DPH5: variants seen among roughly 807,000 people sequenced by gnomAD.
DPH5 encodes the protein diphthamide biosynthesis 5.
In DPH5, 31 loss-of-function variants were observed where a neutral mutation model predicts 31.6. The observed-to-expected ratio is 0.98, with a 90% CI of 0.74 to 1.32. The LOEUF (loss-of-function observed/expected upper bound fraction) is 1.32. DPH5 is among the 40% of genes most tolerant of loss of function. DPH5 has a pLI of 0.00. For missense variants in DPH5, 309 were observed against 335.7 expected (o/e 0.92, Z 0.62); for synonymous variants, 120 against 115.0 (o/e 1.04, Z -0.28).
chr1:101,020,894 T>A (rs1216479255), intron 3 of DPH5, among the ~76,000 whole-genome samples: 1 of 152,220 alleles, frequency 6.6e-6, no homozygotes, highest in Admixed American at 6.5e-5. Flanking sequence ...GACCTTTTAA[T>A]GCTAATCAGA....
At chr1:101,008,132 C>T (rs1012402446) in intron 4 of DPH5, among the ~76,000 whole-genome samples, 7 of 152,142 alleles carry the variant, frequency 4.6e-5, no homozygotes, top group Admixed American at 2.0e-4. Context: ...TTTTTGGCTT[C>T]CAAATCTATA....
At chr1:101,012,285 G>A (rs1355500168) in intron 4 of DPH5, among the ~76,000 whole-genome samples, 1 of 152,098 alleles carries the variant, frequency 6.6e-6, no homozygotes, top group Non-Finnish European at 1.5e-5. Context: ...GTTTTGTTTT[G>A]TTTTAGGCTT....
intron 5 of DPH5, among the ~76,000 whole-genome samples, chr1:101,000,521 C>T (rs983751881): frequency 1.6e-4 from 25 of 152,180 alleles, no homozygotes; most frequent in African/African-American, 5.6e-4. Context: ...CTCTATATAA[C>T]TCCATGAAGT....
In DPH5 at chr1:101,000,003, C is replaced by T. The variant is rs183552697; in HGVS notation, c.490+1464G>A. On this transcript the variant is annotated intron_variant, in intron 5 of 7. Coordinates refer to ENST00000370109, the MANE Select transcript of DPH5 (RefSeq NM_015958.3). ...ACTAAAAAAAATACAAAAAATTAGCCGGGCGTGGTGGCATGAACCTGTAGT... is the reference window on the plus strand; with the variant it reads ...ACTAAAAAAAATACAAAAAATTAGCTGGGCGTGGTGGCATGAACCTGTAGT... Among the ~76,000 whole-genome samples the T allele has an allele frequency of 8.2e-4, 125 of 151,864 alleles. No individual in the cohort carries two copies. In the Middle Eastern group the frequency reaches 0.01, roughly 12 times the overall value.
In DPH5 at chr1:100,990,323, G is replaced by T; in HGVS notation, c.*85C>A. 1 of 1,259,730 alleles carries T rather than the reference G, an allele frequency of 7.9e-7. No homozygotes were observed. Among genetic ancestry groups the T allele is most frequent in the Non-Finnish European group, 1.1e-6 (1 of 879,674 alleles). 78.0% of individuals were successfully genotyped at this position (1,259,730 alleles called of 1,614,324 possible). ...GGGAATTATGAGGATTAAAATTCAA[G>T]ATGAGACTTGGGTGGGGATACATCC... On this transcript the variant is annotated 3_prime_UTR_variant, in exon 8 of 8. Transcript: ENST00000370109.
At chr1:101,025,167 GC>G in intron 2 of DPH5, 141 bp downstream of exon 2, 2 of 1,016,810 alleles carry the variant, frequency 2.0e-6, no homozygotes, top group Non-Finnish European at 2.8e-6. Flanking sequence ...CCATTCTTCT[GC>G]TCCTCAGATC....
intron 4 of DPH5, among the ~76,000 whole-genome samples, chr1:101,010,822 G>A (rs1659572213): frequency 6.6e-6 from 1 of 151,978 alleles, no homozygotes; most frequent in African/African-American, 2.4e-5. Flanking sequence ...ATCCTGCCAT[G>A]CCAAAAAAAA....
intron 4 of DPH5, among the ~76,000 whole-genome samples, chr1:101,011,131 GGAA>G (rs1558044818): frequency 6.6e-6 from 1 of 152,146 alleles, no homozygotes; most frequent in Non-Finnish European, 1.5e-5. Flanking sequence ...GCTATTATAA[GGAA>G]GAAGACTTTG....
At chr1:101,009,557 C>T (rs542429748) in intron 4 of DPH5, among the ~76,000 whole-genome samples, 1 of 152,194 alleles carries the variant, frequency 6.6e-6, no homozygotes, top group Non-Finnish European at 1.5e-5. Flanking sequence ...TAAATCTTCT[C>T]TTATGCCCTA....
intron 5 of DPH5, among the ~76,000 whole-genome samples, chr1:101,000,086 G>T (rs1658737608): frequency 6.6e-6 from 1 of 151,924 alleles, no homozygotes; most frequent in South Asian, 2.1e-4. Context: ...GGCAGAGGTT[G>T]CAGTGAGCCG....
chr1:101,004,837 T>C (rs1659113927), intron 4 of DPH5, among the ~76,000 whole-genome samples: 1 of 152,224 alleles, frequency 6.6e-6, no homozygotes, highest in African/African-American at 2.4e-5. Context: ...AAGAATGAGA[T>C]ACTATGAACA....
chr1:100,994,540 C>CTT (rs869229716), intron 6 of DPH5, among the ~76,000 whole-genome samples: 4 of 142,506 alleles, frequency 2.8e-5, no homozygotes, highest in Non-Finnish European at 1.5e-5. Flanking sequence ...AAACCCATGC[C>CTT]TTTTTTTTTT....
At chr1:100,998,899 G>A (rs1658615982) in intron 5 of DPH5, among the ~76,000 whole-genome samples, 2 of 152,116 alleles carry the variant, frequency 1.3e-5, no homozygotes, top group South Asian at 4.1e-4. Flanking sequence ...TTCTGAAAGG[G>A]GGCAGGCAGC....
intron 4 of DPH5, among the ~76,000 whole-genome samples, chr1:101,005,755 T>C (rs961917840): frequency 1.3e-5 from 2 of 152,234 alleles, no homozygotes; most frequent in African/African-American, 4.8e-5. Context: ...GGCACTGTGA[T>C]AGAATGCAAT....
At chr1:101,005,821 A>G (rs930396526) in intron 4 of DPH5, among the ~76,000 whole-genome samples, 2 of 152,160 alleles carry the variant, frequency 1.3e-5, no homozygotes, top group Admixed American at 6.5e-5. Context: ...AGTCATAAAC[A>G]TATATAACAT....
At chr1:101,001,110 C>T (rs552131113) in intron 5 of DPH5, among the ~76,000 whole-genome samples, 1 of 152,258 alleles carries the variant, frequency 6.6e-6, no homozygotes, top group Non-Finnish European at 1.5e-5. Flanking sequence ...AAAGAACCTC[C>T]CTAGGAAGAT....
intron 5 of DPH5, among the ~76,000 whole-genome samples, chr1:100,999,511 T>C (rs781779190): frequency 9.9e-5 from 15 of 151,926 alleles, no homozygotes; most frequent in Non-Finnish European, 1.6e-4. Flanking sequence ...TGTTAAATAA[T>C]AGAGATTGGC....
At chr1:100,992,017 G>A (rs1005585919) in intron 7 of DPH5, among the ~76,000 whole-genome samples, 5 of 151,778 alleles carry the variant, frequency 3.3e-5, no homozygotes, top group Non-Finnish European at 5.9e-5. Context: ...AGGATCACTT[G>A]AGCCCAGGAG....
chr1:101,021,730 A>G lies in DPH5; in HGVS notation c.171T>C (p.Asp57=). ...EFYGRKLVVA[D]REEVEQEADN... is the part of the protein sequence containing the mutation. Reference sequence around the variant, plus strand: ...CTGCTTCTTGTTCCACTTCTTCTCTATCAGCAACAACCAATTTTCTTCCAT... The same window carrying G: ...CTGCTTCTTGTTCCACTTCTTCTCTGTCAGCAACAACCAATTTTCTTCCAT... The change falls in exon 3 of 8, where the codon GAT becomes GAC. Residue 57 remains aspartate (D), a synonymous_variant. Transcript: ENST00000370109. 1 of 1,613,574 alleles carries G rather than the reference A, an allele frequency of 6.2e-7. No homozygotes were observed. Among genetic ancestry groups the G allele is most frequent in the South Asian group, 1.1e-5 (1 of 91,058 alleles).
Sources: allele counts gnomAD v4.1 joint callset (sites outside exome capture counted in the v4.1 genomes callset), GRCh38; gene constraint gnomAD v4.1.1; transcripts MANE v1.5; gene names NCBI Gene and HGNC (gene_info 2026-07-23, HGNC 2026-07-21).